SENP5: variants seen among roughly 807,000 people sequenced by gnomAD.
SENP5 encodes SUMO specific peptidase 5, also known as sentrin-specific protease 5.
Under a neutral mutation model 74.2 loss-of-function variants are expected in SENP5, and 21 were observed. That is an observed-to-expected ratio of 0.28 (90% CI 0.20 to 0.41). The LOEUF (loss-of-function observed/expected upper bound fraction) is 0.41, where lower values mean the gene tolerates loss of function less well. Ranked by LOEUF, SENP5 falls within the 10% of genes least tolerant of loss-of-function variation. The pLI is 1.00. For synonymous variants in SENP5, 311 were observed against 312.7 expected, an observed-to-expected ratio of 0.99 and a Z score of 0.06; for missense variants, 717 against 889.1, an observed-to-expected ratio of 0.81 and a Z score of 2.46.
rs147469895 is a variant in SENP5 at position 196,931,867 on chromosome 3, C to T, written c.*944C>T. 34 of 445,324 alleles carry T rather than the reference C, an allele frequency of 7.6e-5. No individual in the cohort carries two copies. In the East Asian group the frequency reaches 1.6e-3, roughly 21 times the overall value. 27.6% of individuals were successfully genotyped at this position (445,324 alleles called of 1,614,324 possible). A position where few individuals can be genotyped will look rare whatever the true frequency, so the allele number is the denominator to read the frequency against. ...ATTTCTATTTCAAGGGTATCTGAAA[C>T]GTAAACATTCAAAACTGAAGGCTGA... On this transcript the variant is annotated 3_prime_UTR_variant, in exon 10 of 10. Transcript: ENST00000323460.
At chr3:196,890,038 A>G (rs570545020) in intron 2 of SENP5, among the ~76,000 whole-genome samples, 1 of 152,232 alleles carries the variant, frequency 6.6e-6, no homozygotes, top group African/African-American at 2.4e-5. Flanking sequence ...AGAGTGAGGA[A>G]CATCCATTTT....
chr3:196,912,667 A>G (rs981007480), intron 6 of SENP5: 12 of 152,350 alleles, frequency 7.9e-5, no homozygotes, highest in African/African-American at 2.9e-4. Flanking sequence ...GTATCCCGGA[A>G]CTTTAAAATT....
intron 8 of SENP5, among the ~76,000 whole-genome samples, chr3:196,928,167 C>A (rs1290058561): frequency 6.6e-6 from 1 of 152,160 alleles, no homozygotes; most frequent in East Asian, 1.9e-4. Context: ...TGGCACTTGC[C>A]TCTTGCATCA....
chr3:196,923,617 G>T, intron 7 of SENP5, 66 bp downstream of exon 7: 1 of 1,104,672 alleles, frequency 9.1e-7, no homozygotes. Flanking sequence ...CTTAGCTCTA[G>T]ATAGAACAGC....
intron 8 of SENP5, among the ~76,000 whole-genome samples, chr3:196,928,637 G>A (rs1207189793): frequency 1.3e-5 from 2 of 152,182 alleles, no homozygotes; most frequent in Non-Finnish European, 2.9e-5. Flanking sequence ...TTGACAGGAT[G>A]TTATAGGCAG....
chr3:196,869,734 G>A (rs1456225253), intron 1 of SENP5, among the ~76,000 whole-genome samples: 2 of 130,478 alleles, frequency 1.5e-5, no homozygotes, highest in African/African-American at 6.3e-5. Context: ...ACTCCAGCCT[G>A]GGCAACAAGA....
Position 196,933,056 on chromosome 3 carries a change from C to G in SENP5, c.*2133C>G, listed in dbSNP as rs1422924544. 1.5e-5 allele frequency: 2 copies of G among 132,456 alleles called. No individual in the cohort carries two copies. Among genetic ancestry groups the G allele is most frequent in the Non-Finnish European group, 3.1e-5 (2 of 64,920 alleles). 8.2% of individuals were successfully genotyped at this position (132,456 alleles called of 1,614,324 possible). A position where few individuals can be genotyped will look rare whatever the true frequency, so the allele number is the denominator to read the frequency against. ...TTTTTGAGTCAGAGTCTCACTGTCCCTCAGGCTGGAGTGCAATGGCGCAAT... is the reference window on the plus strand; with the variant it reads ...TTTTTGAGTCAGAGTCTCACTGTCCGTCAGGCTGGAGTGCAATGGCGCAAT... On this transcript the variant is annotated 3_prime_UTR_variant, in exon 10 of 10. Coordinates refer to ENST00000323460, the MANE Select transcript of SENP5 (RefSeq NM_152699.5).
intron 2 of SENP5, among the ~76,000 whole-genome samples, chr3:196,896,849 T>G (rs1318422601): frequency 1.3e-5 from 2 of 152,198 alleles, no homozygotes; most frequent in East Asian, 3.8e-4. Flanking sequence ...ATTTTTTAAC[T>G]GTTGTTTTAC....
At position 196,886,019 on chromosome 3, in the gene SENP5, A is replaced by C. The variant is rs79202221; in HGVS notation, c.838A>C (p.Arg280=). The change falls in exon 2 of 10, where the codon AGG becomes CGG. Residue 280 remains arginine (R), a synonymous_variant. Coordinates refer to ENST00000323460, the MANE Select transcript of SENP5 (RefSeq NM_152699.5). Reference sequence around the variant, plus strand: ...CACTGGGGACCATCAAGAGACCCGTAGGGAGAACGGTGAGGGTGGCAGTTG... The same window carrying C: ...CACTGGGGACCATCAAGAGACCCGTCGGGAGAACGGTGAGGGTGGCAGTTG... ...KVTGDHQETR[R]ENGEGGSCSP... is the part of the protein sequence containing the mutation. 1.3e-3 allele frequency: 2,055 copies of C among 1,614,202 alleles called. 30 individuals carry two copies. In the East Asian group the frequency reaches 0.033, roughly 26 times the overall value.
At chr3:196,912,786 A>C (rs1221945869) in intron 6 of SENP5, 1 of 151,622 alleles carries the variant, frequency 6.6e-6, no homozygotes, top group Non-Finnish European at 1.5e-5. Flanking sequence ...AGGTGGGAGG[A>C]TTGCTTGAGC....
intron 6 of SENP5, 75 bp downstream of exon 6, chr3:196,903,685 C>G: frequency 1.3e-6 from 1 of 786,228 alleles, no homozygotes. Context: ...AGGATAAGTA[C>G]TTTAATGCCA....
chr3:196,898,107 G>C (rs887620327), intron 2 of SENP5, among the ~76,000 whole-genome samples: 2 of 151,596 alleles, frequency 1.3e-5, no homozygotes, highest in African/African-American at 4.9e-5. Context: ...GAACCCAGGA[G>C]GGGTGGGTTG....
chr3:196,892,566 C>G (rs979427463), intron 2 of SENP5, among the ~76,000 whole-genome samples: 1 of 152,156 alleles, frequency 6.6e-6, no homozygotes, highest in African/African-American at 2.4e-5. Flanking sequence ...CTCACTTCGT[C>G]GTGAGAACAT....
At position 196,931,744 on chromosome 3, in the gene SENP5, TCAAA is replaced by T. The variant is rs776210118; in HGVS notation, c.*826_*829del. 16 of 283,734 alleles carry T rather than the reference TCAAA, an allele frequency of 5.6e-5. No individual in the cohort carries two copies. Among genetic ancestry groups the T allele is most frequent in the East Asian group, 2.6e-4 (2 of 7,618 alleles). 17.6% of individuals were successfully genotyped at this position (283,734 alleles called of 1,614,324 possible). A position where few individuals can be genotyped will look rare whatever the true frequency, so the allele number is the denominator to read the frequency against. ...ATCTTAACATCCATCAAACTAGTGG[TCAAA>T]CAAATGAGAATGCAGCTGTTCTCAG... On this transcript the variant is annotated 3_prime_UTR_variant, in exon 10 of 10. Transcript: ENST00000323460.
chr3:196,894,502 C>G (rs1399263150), intron 2 of SENP5, among the ~76,000 whole-genome samples: 1 of 151,088 alleles, frequency 6.6e-6, no homozygotes, highest in Non-Finnish European at 1.5e-5. Context: ...AAAATGAATT[C>G]CAGCTGTTAA....
chr3:196,914,578 A>ATATATAT (rs1553825306), intron 6 of SENP5: 2 of 72,800 alleles, frequency 2.7e-5, no homozygotes, highest in Non-Finnish European at 5.8e-5. Context: ...AAAAAAAAAA[A>ATATATAT]AAAAAAAAAT....
chr3:196,884,677 T>TTTTG (rs1230507739), intron 1 of SENP5, among the ~76,000 whole-genome samples: 1 of 149,676 alleles, frequency 6.7e-6, no homozygotes, highest in African/African-American at 2.5e-5. Flanking sequence ...TTTTTTTGTT[T>TTTTG]TTTTTTTTTT....
intron 1 of SENP5, among the ~76,000 whole-genome samples, chr3:196,871,366 A>G (rs923720196): frequency 6.6e-6 from 1 of 152,140 alleles, no homozygotes; most frequent in African/African-American, 2.4e-5. Flanking sequence ...GTAGAGGTAC[A>G]TGTGAAGGGT....
At chr3:196,906,757 A>T (rs1338449160) in intron 6 of SENP5, among the ~76,000 whole-genome samples, 1 of 152,174 alleles carries the variant, frequency 6.6e-6, no homozygotes, top group Non-Finnish European at 1.5e-5. Context: ...TGAGGTTTGT[A>T]TTTTGGATTT....
Sources: gnomAD v4.1 joint callset for allele counts (sites outside exome capture counted in the v4.1 genomes callset) on GRCh38, gnomAD v4.1.1 for gene constraint, MANE v1.5 for transcripts, NCBI Gene and HGNC (gene_info 2026-07-23, HGNC 2026-07-21) for gene names.